The following ADAM10 variants were observed in gnomAD, a reference collection of about 807,000 sequenced individuals.
The protein encoded by ADAM10 is ADAM metallopeptidase domain 10.
In ADAM10, 17 loss-of-function variants were observed where a neutral mutation model predicts 90.1. The observed-to-expected ratio is 0.19, with a 90% CI of 0.13 to 0.28. ADAM10 has a LOEUF of 0.28. ADAM10 is among the 10% of genes least tolerant of loss of function. The pLI is 1.00. For missense variants in ADAM10, 610 were observed against 914.3 expected, an observed-to-expected ratio of 0.67 and a Z score of 4.29; for synonymous variants, 310 against 298.6, an observed-to-expected ratio of 1.04 and a Z score of -0.40.
chr15:58,620,450 G>A (rs941404022), intron 11 of ADAM10, among the ~76,000 whole-genome samples: 5 of 151,638 alleles, frequency 3.3e-5, no homozygotes, highest in African/African-American at 1.2e-4. Context: ...CTGGGTGACA[G>A]GTTTTTCTGA....
chr15:58,599,739 A>AT lies in ADAM10; in HGVS notation c.2026-16dup. ...CACCAATGAGCCTAGAAATAAACAG[A>AT]TTTTTCCACTGAAAAAAAAAAAACT... On this transcript the variant is annotated splice_polypyrimidine_tract_variant and intron_variant, in intron 14 of 15. Coordinates refer to ENST00000260408, the MANE Select transcript of ADAM10 (RefSeq NM_001110.4). 6.4e-7 allele frequency: 1 copy of AT among 1,574,636 alleles called. No individual in the cohort carries two copies. The highest frequency in any genetic ancestry group is 2.4e-5 in the East Asian group (1 of 42,074).
intron 2 of ADAM10, among the ~76,000 whole-genome samples, chr15:58,682,856 AATTTGGGAAT>A (rs1227488368): frequency 1.3e-5 from 2 of 152,148 alleles, no homozygotes; most frequent in Non-Finnish European, 2.9e-5. Flanking sequence ...TCCTTAATTC[AATTTGGGAAT>A]GCCGAAAGAC....
At position 58,749,509 on chromosome 15, in the gene ADAM10, A is replaced by C; in HGVS notation, c.26T>G (p.Leu9Arg). 6.4e-7 allele frequency: 1 copy of C among 1,553,990 alleles called. No homozygotes were observed. The highest frequency in any genetic ancestry group is 8.7e-7 in the Non-Finnish European group (1 of 1,148,598). Residue 9 changes from leucine (L) to arginine (R), a missense_variant, in exon 1 of 16, where the codon CTG (leucine) becomes CGG (arginine). Physicochemically the swap from Leu to Arg is moderately radical, Grantham distance 102 (BLOSUM62 -2). Transcript: ENST00000260408. MVLLRVLI[L>R]LLSWAAGMGG... ...CATCCCCGCCGCCCAGGAGAGGAGC[A>C]GAATTAACACTCTCAGCAACACCAT...
intron 2 of ADAM10, among the ~76,000 whole-genome samples, chr15:58,694,631 C>T (rs1240503193): frequency 3.3e-5 from 5 of 151,844 alleles, no homozygotes; most frequent in African/African-American, 1.2e-4. Flanking sequence ...AATAACTGAA[C>T]ACAAATGTTA....
intron 11 of ADAM10, among the ~76,000 whole-genome samples, chr15:58,614,020 G>C (rs1895528933): frequency 6.6e-6 from 1 of 152,164 alleles, no homozygotes; most frequent in Admixed American, 6.5e-5. Context: ...GAAAACCTTT[G>C]TTTTGGCTGG....
At chr15:58,645,948 C>G in intron 6 of ADAM10, 107 bp downstream of exon 6, 1 of 1,226,820 alleles carries the variant, frequency 8.2e-7, no homozygotes, top group Non-Finnish European at 1.2e-6. Flanking sequence ...ACTGAAAACA[C>G]ATACTTTTTC....
In ADAM10 at chr15:58,666,120, A is replaced by G. The variant is rs533920534; in HGVS notation, c.485-923T>C. On this transcript the variant is annotated intron_variant, in intron 4 of 15. Transcript: ENST00000260408. The stretch of plus-strand genomic sequence containing the variant: ...TTCCATCAACCCTTTAACATCAGTG[A>G]GACCCTTTAATCCACCAATGCTACC... 1.2e-3 allele frequency among the ~76,000 whole-genome samples: 188 copies of G among 151,746 alleles called. 1 individual carries two copies. Among genetic ancestry groups the G allele is most frequent in the Middle Eastern group, 0.01 (3 of 294 alleles).
At position 58,593,943 on chromosome 15, in the gene ADAM10, A is replaced by C. The variant is rs1211580840; in HGVS notation, c.*3604T>G. ...TACAGAAACAATAGTGAAAAAACTA[A>C]ACTGGTAATAAACGGAAAAGTATAT... On this transcript the variant is annotated 3_prime_UTR_variant, in exon 16 of 16. Coordinates refer to ENST00000260408, the MANE Select transcript of ADAM10 (RefSeq NM_001110.4). 2 of 152,236 alleles carry C rather than the reference A, an allele frequency of 1.3e-5. No individual in the cohort carries two copies. The highest frequency in any genetic ancestry group is 4.8e-5 in the African/African-American group (2 of 41,464). The allele number at this position is 152,236 out of a possible 1,614,324, so 9.4% of individuals were successfully genotyped here.
chr15:58,652,329 G>A (rs977421371), intron 5 of ADAM10, among the ~76,000 whole-genome samples: 4 of 152,148 alleles, frequency 2.6e-5, no homozygotes, highest in Non-Finnish European at 5.9e-5. Context: ...CCACATGAAA[G>A]TGGGGAGTTT....
At chr15:58,713,698 G>A (rs372861450) in intron 2 of ADAM10, among the ~76,000 whole-genome samples, 4 of 152,172 alleles carry the variant, frequency 2.6e-5, no homozygotes, top group South Asian at 2.1e-4. Flanking sequence ...TAATCTTCTA[G>A]TAAGTATTAC....
chr15:58,600,122 CTT>C (rs10601564), intron 14 of ADAM10, among the ~76,000 whole-genome samples: 43,083 of 151,772 alleles, frequency 0.28, 8,547 homozygotes, highest in African/African-American at 0.56. Flanking sequence ...TCCCCTTACT[CTT>C]TTTTCTCCCT....
In ADAM10 at chr15:58,625,732, T is replaced by G. The variant is rs551714168; in HGVS notation, c.1360+1968A>C. On this transcript the variant is annotated intron_variant, in intron 10 of 15. Coordinates refer to ENST00000260408, the MANE Select transcript of ADAM10 (RefSeq NM_001110.4). Reference sequence around the variant, plus strand: ...ATGTTTACAGCTGCTTTATTCATAATAGCCAAACACTGGAAACAGCCCAGA... The same window carrying G: ...ATGTTTACAGCTGCTTTATTCATAAGAGCCAAACACTGGAAACAGCCCAGA... Among the ~76,000 whole-genome samples the G allele has an allele frequency of 3.9e-4, 59 of 152,330 alleles. 1 individual carries two copies. Among genetic ancestry groups the G allele is most frequent in the African/African-American group, 1.3e-3 (53 of 41,582 alleles).
chr15:58,647,248 A>T (rs374995596), intron 5 of ADAM10, among the ~76,000 whole-genome samples: 2,393 of 59,586 alleles, frequency 0.04, 124 homozygotes, highest in Admixed American at 0.16. Context: ...GACACTAAGT[A>T]TTTTTTTTTT....
chr15:58,633,852 T>C (rs1444078749), intron 8 of ADAM10, among the ~76,000 whole-genome samples: 1 of 141,738 alleles, frequency 7.1e-6, no homozygotes, highest in Non-Finnish European at 1.5e-5. Context: ...TCCTGAGATA[T>C]GACATACAAT....
At chr15:58,737,871 ACT>A (rs1319239355) in intron 1 of ADAM10, among the ~76,000 whole-genome samples, 1 of 152,104 alleles carries the variant, frequency 6.6e-6, no homozygotes, top group Middle Eastern at 3.2e-3. Flanking sequence ...ACAAAGAATA[ACT>A]CTCTGATAGT....
At position 58,594,919 on chromosome 15, in the gene ADAM10, GCAGATTACCT is replaced by G. The variant is rs1156426198; in HGVS notation, c.*2618_*2627del. 1 of 152,094 alleles carries G rather than the reference GCAGATTACCT, an allele frequency of 6.6e-6. No individual in the cohort carries two copies. The highest frequency in any genetic ancestry group is 1.5e-5 in the Non-Finnish European group (1 of 68,000). 9.4% of individuals were successfully genotyped at this position (152,094 alleles called of 1,614,324 possible). On this transcript the variant is annotated 3_prime_UTR_variant, in exon 16 of 16. Coordinates refer to ENST00000260408, the MANE Select transcript of ADAM10 (RefSeq NM_001110.4). ...ACCTTGACTAAAAAAAGAATTTGAA[GCAGATTACCT>G]CATGCAGGGAATTATTCTGGGCTTA...
rs1221311896 is a variant in ADAM10 at position 58,593,054 on chromosome 15, A to G, written c.*4493T>C. 1.3e-5 allele frequency: 2 copies of G among 150,310 alleles called. No homozygotes were observed. The highest frequency in any genetic ancestry group is 3.0e-5 in the Non-Finnish European group (2 of 67,670). The allele number at this position is 150,310 out of a possible 1,614,324, so 9.3% of individuals were successfully genotyped here. A position where few individuals can be genotyped will look rare whatever the true frequency, so the allele number is the denominator to read the frequency against. On this transcript the variant is annotated 3_prime_UTR_variant, in exon 16 of 16. Transcript: ENST00000260408. ...GTAGTTAATGTGATATACATTATCA[A>G]TGTACCATTAAATGAGAAAGGTGGG...
At chr15:58,689,535 T>A (rs1337431226) in intron 2 of ADAM10, among the ~76,000 whole-genome samples, 1 of 152,026 alleles carries the variant, frequency 6.6e-6, no homozygotes, top group Admixed American at 6.6e-5. Flanking sequence ...TTGGAGTAAC[T>A]TTTTTAATGC....
chr15:58,604,880 T>C (rs147163027), intron 14 of ADAM10, among the ~76,000 whole-genome samples: 1 of 152,226 alleles, frequency 6.6e-6, no homozygotes, highest in East Asian at 1.9e-4. Flanking sequence ...GACTACAAGG[T>C]ACATGCCGCC....
Sources: gnomAD v4.1 joint callset for allele counts (sites outside exome capture counted in the v4.1 genomes callset) on GRCh38, gnomAD v4.1.1 for gene constraint, MANE v1.5 for transcripts, NCBI Gene and HGNC (gene_info 2026-07-23, HGNC 2026-07-21) for gene names.